ADA: variants seen among roughly 807,000 people sequenced by gnomAD.
The protein encoded by ADA is adenosine deaminase, also known as adenosine aminohydrolase.
ADA carries 45 observed loss-of-function variants against 49.0 expected under a neutral mutation model. That is an observed-to-expected ratio of 0.92 (90% CI 0.72 to 1.18). The LOEUF is 1.18. ADA is among the 50% of genes most tolerant of loss of function. The pLI is 0.00. For missense variants in ADA, 445 were observed against 472.5 expected (o/e 0.94, Z 0.54); for synonymous variants, 173 against 184.2 (o/e 0.94, Z 0.49).
At chr20:44,640,242 CCTCT>C (rs1031591796) in intron 1 of ADA, among the ~76,000 whole-genome samples, 3 of 151,928 alleles carry the variant, frequency 2.0e-5, no homozygotes, top group South Asian at 2.1e-4. Flanking sequence ...GGTGAAATCC[CCTCT>C]CTATTAAAAA....
intron 10 of ADA, 37 bp from the exon 11 acceptor site, chr20:44,620,438 A>G: frequency 6.5e-7 from 1 of 1,550,244 alleles, no homozygotes; most frequent in African/African-American, 1.4e-5. Context: ...ATGGAACCAG[A>G]GAACAAAGAA....
chr20:44,631,190 A>G (rs1218694816), intron 2 of ADA, among the ~76,000 whole-genome samples: 1 of 152,114 alleles, frequency 6.6e-6, no homozygotes, highest in Non-Finnish European at 1.5e-5. Context: ...TCCCTTCCCC[A>G]TCTGTTAGCC....
At position 44,619,694 on chromosome 20, in the gene ADA, A is replaced by C; in HGVS notation, c.*140T>G. 8.7e-7 allele frequency: 1 copy of C among 1,147,508 alleles called. No homozygotes were observed. Among genetic ancestry groups the C allele is most frequent in the Non-Finnish European group, 1.3e-6 (1 of 765,598 alleles). 71.1% of individuals were successfully genotyped at this position (1,147,508 alleles called of 1,614,324 possible). The stretch of plus-strand genomic sequence containing the variant: ...TGCCGAGGTATACGTGTGTGCAGAA[A>C]TGGACACATAGGGTTCAGGAGCATC... On this transcript the variant is annotated 3_prime_UTR_variant, in exon 12 of 12. Coordinates refer to ENST00000372874, the MANE Select transcript of ADA (RefSeq NM_000022.4).
intron 5 of ADA, among the ~76,000 whole-genome samples, chr20:44,624,983 C>T (rs922256830): frequency 2.0e-5 from 3 of 152,212 alleles, no homozygotes; most frequent in Non-Finnish European, 4.4e-5. Flanking sequence ...AGAGGAAATG[C>T]GTGCAGGTAG....
chr20:44,626,680 T>C, intron 3 of ADA, 81 bp from the exon 4 acceptor site: 2 of 1,577,294 alleles, frequency 1.3e-6, no homozygotes, highest in Non-Finnish European at 8.6e-7. Flanking sequence ...TCCCCAACCC[T>C]TGGCAGATTA....
intron 1 of ADA, among the ~76,000 whole-genome samples, chr20:44,646,248 C>G (rs996786357): frequency 1.3e-5 from 2 of 152,220 alleles, no homozygotes; most frequent in Non-Finnish European, 2.9e-5. Context: ...CTTCCTCTCT[C>G]TGATCCTCCC....
intron 1 of ADA, among the ~76,000 whole-genome samples, chr20:44,641,574 G>C (rs1004650829): frequency 2.0e-5 from 3 of 152,092 alleles, no homozygotes; most frequent in East Asian, 3.8e-4. Flanking sequence ...GGAGTTGCAT[G>C]AGGTTACTGG....
chr20:44,641,715 G>A (rs899552161), intron 1 of ADA, among the ~76,000 whole-genome samples: 2 of 151,928 alleles, frequency 1.3e-5, no homozygotes, highest in African/African-American at 2.4e-5. Context: ...GGTGGGGGGA[G>A]GTCTGCATGG....
rs771207375 is a variant in ADA at position 44,626,536 on chromosome 20, G to A, written c.282C>T (p.Gly94=). The A allele has an allele frequency of 6.9e-5, 112 of 1,614,010 alleles. No homozygotes were observed. Among genetic ancestry groups the A allele is most frequent in the Non-Finnish European group, 8.5e-5 (100 of 1,180,024 alleles). ...YEFVEMKAKE[G]VVYVEVRYSP... ...TGTACCGCACCTCCACATACACCAC[G>A]CCCTCTTTGGCCTTCATCTCTACAA... The change falls in exon 4 of 12, where the codon GGC becomes GGT. Residue 94 remains glycine, a synonymous_variant. Coordinates refer to ENST00000372874, the MANE Select transcript of ADA (RefSeq NM_000022.4).
chr20:44,630,886 C>T (rs1269648692), intron 2 of ADA, among the ~76,000 whole-genome samples: 4 of 152,108 alleles, frequency 2.6e-5, no homozygotes, highest in Non-Finnish European at 5.9e-5. Flanking sequence ...TGGTGGCGTG[C>T]ACCTGTAGTC....
chr20:44,628,556 TA>T (rs1568847070), intron 3 of ADA, among the ~76,000 whole-genome samples: 1 of 139,598 alleles, frequency 7.2e-6, no homozygotes, highest in Non-Finnish European at 1.5e-5. Flanking sequence ...AATAAATAAA[TA>T]AATAAAGCAG....
intron 6 of ADA, chr20:44,623,949 G>A (rs1208825751): frequency 4.0e-6 from 2 of 506,140 alleles, no homozygotes; most frequent in Admixed American, 2.3e-5. Flanking sequence ...ATCTCACTAT[G>A]TTGCCCTGGC....
chr20:44,639,186 G>A (rs2065508708), intron 1 of ADA, among the ~76,000 whole-genome samples: 1 of 152,128 alleles, frequency 6.6e-6, no homozygotes, highest in Admixed American at 6.6e-5. Flanking sequence ...GAAAGATGAC[G>A]GTGGCTTGGA....
intron 3 of ADA, among the ~76,000 whole-genome samples, chr20:44,627,758 T>C (rs2065396473): frequency 6.6e-6 from 1 of 152,192 alleles, no homozygotes; most frequent in African/African-American, 2.4e-5. Flanking sequence ...AGGACACAGC[T>C]GGACAAGTCC....
intron 2 of ADA, among the ~76,000 whole-genome samples, chr20:44,632,758 C>T (rs1353502867): frequency 2.0e-5 from 3 of 152,160 alleles, no homozygotes; most frequent in Non-Finnish European, 2.9e-5. Flanking sequence ...AATGGCACGA[C>T]CTCGACTCAC....
At chr20:44,632,052 TC>T (rs1187350491) in intron 2 of ADA, among the ~76,000 whole-genome samples, 1 of 152,144 alleles carries the variant, frequency 6.6e-6, no homozygotes, top group Non-Finnish European at 1.5e-5. Flanking sequence ...TTTCTCCTCT[TC>T]GATTCTTCTT....
At chr20:44,651,321 C>A (rs935525838) in intron 1 of ADA, among the ~76,000 whole-genome samples, 14 of 152,228 alleles carry the variant, frequency 9.2e-5, no homozygotes, top group Non-Finnish European at 1.6e-4. Context: ...ACTTGACAGA[C>A]AGCGAAACTG....
rs2065316318 is a variant in ADA at position 44,620,285 on chromosome 20, A to T, written c.1078+14T>A. On this transcript the variant is annotated intron_variant, in intron 11 of 11. Coordinates refer to ENST00000372874, the MANE Select transcript of ADA (RefSeq NM_000022.4). ...GGACAGGGCAACTGCCCAGAAGCCC[A>T]GACAGGAACCTACCTGCAGAGGCTG... The T allele has an allele frequency of 6.2e-7, 1 of 1,611,824 alleles. No individual in the cohort carries two copies.
At chr20:44,627,183 CTTTT>C (rs35587028) in intron 3 of ADA, among the ~76,000 whole-genome samples, 13 of 140,692 alleles carry the variant, frequency 9.2e-5, no homozygotes, top group Admixed American at 8.5e-4. Flanking sequence ...ACCACCTTAT[CTTTT>C]TTTTTTTTTT....
Sources: allele counts gnomAD v4.1 joint callset (sites outside exome capture counted in the v4.1 genomes callset), GRCh38; gene constraint gnomAD v4.1.1; transcripts MANE v1.5; gene names NCBI Gene and HGNC (gene_info 2026-07-23, HGNC 2026-07-21).